The following PACRG variants were observed in gnomAD, a reference collection of about 807,000 sequenced individuals.
PACRG encodes the protein parkin coregulated.
PACRG carries 29 observed loss-of-function variants against 29.7 expected under a neutral mutation model. That is an observed-to-expected ratio of 0.98 (90% CI 0.73 to 1.33). The LOEUF (loss-of-function observed/expected upper bound fraction) is 1.33. PACRG is among the 40% of genes most tolerant of loss of function. PACRG has a pLI of 0.00. For synonymous variants in PACRG, 116 were observed against 118.7 expected (o/e 0.98, Z 0.15); for missense variants, 279 against 316.2 (o/e 0.88, Z 0.89).
intron 4 of PACRG, among the ~76,000 whole-genome samples, chr6:163,158,531 GT>G (rs1434429027): frequency 6.6e-6 from 1 of 152,184 alleles, no homozygotes; most frequent in Non-Finnish European, 1.5e-5. Context: ...TAGGATGTGT[GT>G]CATTAAAAGT....
intron 4 of PACRG, among the ~76,000 whole-genome samples, chr6:163,113,960 T>G (rs948364864): frequency 1.3e-5 from 2 of 152,208 alleles, no homozygotes; most frequent in African/African-American, 2.4e-5. Flanking sequence ...ATACATACAG[T>G]GTATTAAGAC....
At chr6:162,820,659 G>A (rs1350605955) in intron 2 of PACRG, among the ~76,000 whole-genome samples, 1 of 152,004 alleles carries the variant, frequency 6.6e-6, no homozygotes, top group African/African-American at 2.4e-5. Flanking sequence ...AAAAAATAAT[G>A]CTATATCTGT....
At chr6:163,213,151 G>C (rs1366691605) in intron 4 of PACRG, among the ~76,000 whole-genome samples, 1 of 152,190 alleles carries the variant, frequency 6.6e-6, no homozygotes, top group Non-Finnish European at 1.5e-5. Flanking sequence ...GCACGTGGCA[G>C]CTGATGGAGC....
intron 4 of PACRG, among the ~76,000 whole-genome samples, chr6:163,180,539 A>G (rs769983560): frequency 5.9e-5 from 9 of 152,124 alleles, no homozygotes; most frequent in Admixed American, 1.3e-4. Flanking sequence ...AGGCAGGAGG[A>G]TCGCTTGAGC....
intron 2 of PACRG, among the ~76,000 whole-genome samples, chr6:162,931,811 A>C (rs1460721234): frequency 2.6e-5 from 4 of 151,990 alleles, no homozygotes; most frequent in Non-Finnish European, 5.9e-5. Flanking sequence ...TGTTGATGGG[A>C]ATGTAAAATG....
intron 2 of PACRG, among the ~76,000 whole-genome samples, chr6:163,056,175 G>A (rs911201208): frequency 6.6e-6 from 1 of 152,180 alleles, no homozygotes; most frequent in Non-Finnish European, 1.5e-5. Context: ...ATATAAAATG[G>A]TACAGCTATT....
At chr6:162,849,966 A>G (rs959382597) in intron 2 of PACRG, among the ~76,000 whole-genome samples, 4 of 152,202 alleles carry the variant, frequency 2.6e-5, no homozygotes, top group Admixed American at 6.5e-5. Context: ...TATCTCAACT[A>G]TCCCCAAAAT....
chr6:163,237,603 G>T (rs1782303392), intron 4 of PACRG, among the ~76,000 whole-genome samples: 1 of 152,140 alleles, frequency 6.6e-6, no homozygotes, highest in Non-Finnish European at 1.5e-5. Flanking sequence ...GTAAATTGGA[G>T]TTGTCTCTTT....
chr6:163,019,431 G>A (rs927940889), intron 2 of PACRG, among the ~76,000 whole-genome samples: 2 of 152,156 alleles, frequency 1.3e-5, no homozygotes, highest in African/African-American at 2.4e-5. Flanking sequence ...GGGCAGCTCC[G>A]CTCGATTTGG....
chr6:163,006,030 TTA>T (rs1197691533), intron 2 of PACRG, among the ~76,000 whole-genome samples: 1 of 142,188 alleles, frequency 7.0e-6, no homozygotes, highest in Non-Finnish European at 1.5e-5. Flanking sequence ...ATTATATATG[TTA>T]TATATAACAT....
intron 4 of PACRG, among the ~76,000 whole-genome samples, chr6:163,203,177 T>C (rs1695244713): frequency 6.6e-6 from 1 of 151,878 alleles, no homozygotes; most frequent in Admixed American, 6.6e-5. Context: ...CTTTGAGAGG[T>C]TGAGGCAGGC....
Position 162,883,712 on chromosome 6 carries a change from G to GTGTGTGTGTGTGTGTA in PACRG, c.291+69434_291+69435insGTGTGTGTGTGTATGT, listed in dbSNP as rs148140118. ...TGTGTGTGTGTGTGTGTGTGTGTGTGTGTATGTATGTATATATCTGCATAC... is the reference window on the plus strand; with the variant it reads ...TGTGTGTGTGTGTGTGTGTGTGTGTGTGTGTGTGTGTGTGTATGTATGTATGTATATATCTGCATAC... On this transcript the variant is annotated intron_variant, in intron 2 of 4. Transcript: ENST00000366888. 4.5e-4 allele frequency among the ~76,000 whole-genome samples: 68 copies of GTGTGTGTGTGTGTGTA among 149,968 alleles called. No individual in the cohort carries two copies. In the South Asian group the frequency reaches 4.9e-3, roughly 11 times the overall value.
intron 2 of PACRG, among the ~76,000 whole-genome samples, chr6:163,036,055 G>A (rs1007148840): frequency 6.6e-6 from 1 of 152,112 alleles, no homozygotes; most frequent in South Asian, 2.1e-4. Context: ...TAATCAAAAT[G>A]TAATGACATG....
chr6:163,266,672 T>C (rs1206138487), intron 4 of PACRG, among the ~76,000 whole-genome samples: 3 of 152,204 alleles, frequency 2.0e-5, no homozygotes, highest in Admixed American at 2.0e-4. Context: ...TTGCATGTAT[T>C]ACCTCTCAAT....
chr6:162,790,051 G>C (rs1784815802), intron 1 of PACRG, among the ~76,000 whole-genome samples: 1 of 152,090 alleles, frequency 6.6e-6, no homozygotes, highest in African/African-American at 2.4e-5. Context: ...TGTATCTGTG[G>C]GGAGAGAGAG....
intron 1 of PACRG, among the ~76,000 whole-genome samples, chr6:162,752,418 T>G (rs530409665): frequency 1.3e-5 from 2 of 152,302 alleles, no homozygotes; most frequent in South Asian, 2.1e-4. Context: ...CAGCACATAT[T>G]CTGTTGGACC....
intron 2 of PACRG, among the ~76,000 whole-genome samples, chr6:163,047,720 A>G (rs1809543170): frequency 6.6e-6 from 1 of 152,232 alleles, no homozygotes; most frequent in African/African-American, 2.4e-5. Context: ...AGACAGAGCC[A>G]TCAGCATTTG....
At chr6:163,103,224 G>C (rs1181164744) in intron 4 of PACRG, among the ~76,000 whole-genome samples, 1 of 152,186 alleles carries the variant, frequency 6.6e-6, no homozygotes. Flanking sequence ...CCACTTCTAG[G>C]CTCATCCCAG....
In PACRG at chr6:163,259,738, T is replaced by A. The variant is rs544686389; in HGVS notation, c.614-55089T>A. ...CTCTACAGTACGCCTTCCCAGCTGT[T>A]CCCTCACCCAGGTCTTTCCCATGTT... On this transcript the variant is annotated intron_variant, in intron 4 of 4. Coordinates refer to ENST00000366888, the MANE Select transcript of PACRG (RefSeq NM_001080379.2). 7.4e-4 allele frequency among the ~76,000 whole-genome samples: 113 copies of A among 152,278 alleles called. 2 individuals carry two copies. Among genetic ancestry groups the A allele is most frequent in the African/African-American group, 2.5e-3 (103 of 41,560 alleles).
Sources: allele counts gnomAD v4.1 joint callset (sites outside exome capture counted in the v4.1 genomes callset), GRCh38; gene constraint gnomAD v4.1.1; transcripts MANE v1.5; gene names NCBI Gene and HGNC (gene_info 2026-07-23, HGNC 2026-07-21).